The following NFYB variants were observed in gnomAD, a reference collection of about 807,000 sequenced individuals.
The protein encoded by NFYB is CAAT box DNA-binding protein subunit B.
Under a neutral mutation model 28.0 loss-of-function variants are expected in NFYB, and 13 were observed. The observed-to-expected ratio is 0.46, with a 90% CI of 0.30 to 0.74. The LOEUF (loss-of-function observed/expected upper bound fraction) is 0.74. NFYB is among the 30% of genes least tolerant of loss of function. The pLI is 0.07. For synonymous variants in NFYB, 74 were observed against 75.0 expected (o/e 0.99, Z 0.07); for missense variants, 142 against 247.6 (o/e 0.57, Z 2.86).
At chr12:104,124,141 A>G (rs1354979410) in intron 4 of NFYB, among the ~76,000 whole-genome samples, 1 of 152,226 alleles carries the variant, frequency 6.6e-6, no homozygotes, top group Non-Finnish European at 1.5e-5. Context: ...CCATGAATAA[A>G]GACACCAGAA....
At position 104,123,213 on chromosome 12, in the gene NFYB, A is replaced by G. The variant is rs913178824; in HGVS notation, c.429+13T>C. Reference sequence around the variant, plus strand: ...AAGAAAAAAAAAAGCACAATGGGAGATATTTTATTTACCTCTCTGAATTTC... The same window carrying G: ...AAGAAAAAAAAAAGCACAATGGGAGGTATTTTATTTACCTCTCTGAATTTC... On this transcript the variant is annotated intron_variant, in intron 5 of 7. Transcript: ENST00000240055. 19 of 1,581,842 alleles carry G rather than the reference A, an allele frequency of 1.2e-5. No individual in the cohort carries two copies. The highest frequency in any genetic ancestry group is 8.9e-5 in the Admixed American group (5 of 56,182).
At position 104,126,221 on chromosome 12, in the gene NFYB, G is replaced by T; in HGVS notation, c.124C>A (p.His42Asn). 1 of 1,601,056 alleles carries T rather than the reference G, an allele frequency of 6.2e-7. No individual in the cohort carries two copies. The highest frequency in any genetic ancestry group is 2.3e-5 in the East Asian group (1 of 44,162). The change falls in exon 4 of 8, where the codon CAT becomes AAT. Residue 42 changes from histidine to asparagine, a missense_variant. His to Asn is a moderately conservative substitution (Grantham distance 68, BLOSUM62 1). Transcript: ENST00000240055. The stretch of plus-strand genomic sequence containing the variant: ...TCTTTTGAACCATTTGTGTCTTCAT[G>T]ATCATTCATGCTGTCCTCAGTATCT... ...HDDTEDSMND[H>N]EDTNGSKESF... is the part of the protein sequence containing the mutation.
chr12:104,126,301 G>GA, intron 3 of NFYB, 57 bp from the exon 4 acceptor site: 1 of 1,312,930 alleles, frequency 7.6e-7, no homozygotes, highest in East Asian at 2.7e-5. Flanking sequence ...TTTCAAGATA[G>GA]AAAAAACTAC....
At chr12:104,137,102 TAA>T (rs149505229) in intron 1 of NFYB, among the ~76,000 whole-genome samples, 1,599 of 152,284 alleles carry the variant, frequency 0.011, 29 homozygotes, top group African/African-American at 0.037. Context: ...GTTTCCATAC[TAA>T]GAGAGATGAA....
intron 3 of NFYB, among the ~76,000 whole-genome samples, chr12:104,126,925 G>C (rs957193024): frequency 4.0e-5 from 6 of 151,168 alleles, no homozygotes; most frequent in African/African-American, 1.2e-4. Flanking sequence ...AACTGGACTT[G>C]ATTATTACTG....
At chr12:104,123,040 G>A (rs551926475) in intron 5 of NFYB, among the ~76,000 whole-genome samples, 186 bp downstream of exon 5, 28 of 152,000 alleles carry the variant, frequency 1.8e-4, no homozygotes, top group African/African-American at 5.5e-4. Context: ...GCCAGGCATG[G>A]TGGTGCACGC....
At position 104,117,305 on chromosome 12, in the gene NFYB, A is replaced by T. The variant is rs1251846176; in HGVS notation, c.*2432T>A. ...AAGTCCAACAATGAAGTCAATACAT[A>T]AAAAAGGTGACCTGATTTTACCTGG... is the stretch of plus-strand genomic sequence containing the variant. On this transcript the variant is annotated 3_prime_UTR_variant, in exon 8 of 8. Transcript: ENST00000240055. 2 of 152,174 alleles carry T rather than the reference A, an allele frequency of 1.3e-5. No homozygotes were observed. The highest frequency in any genetic ancestry group is 2.9e-5 in the Non-Finnish European group (2 of 68,030). 9.4% of individuals were successfully genotyped at this position (152,174 alleles called of 1,614,324 possible). A position where few individuals can be genotyped will look rare whatever the true frequency, so the allele number is the denominator to read the frequency against.
At position 104,118,212 on chromosome 12, in the gene NFYB, T is replaced by C. The variant is rs1417049969; in HGVS notation, c.*1525A>G. ...TTTAGCAAAGTAAAAGGACAAATGA[T>C]ATTTATCAAAATATTAACATTGGTT... is the stretch of plus-strand genomic sequence containing the variant. On this transcript the variant is annotated 3_prime_UTR_variant, in exon 8 of 8. Transcript: ENST00000240055. The C allele has an allele frequency of 6.6e-6, 1 of 152,238 alleles. No individual in the cohort carries two copies. Among genetic ancestry groups the C allele is most frequent in the Non-Finnish European group, 1.5e-5 (1 of 68,038 alleles). The allele number at this position is 152,238 out of a possible 1,614,324, so 9.4% of individuals were successfully genotyped here. A position where few individuals can be genotyped will look rare whatever the true frequency, so the allele number is the denominator to read the frequency against.
At chr12:104,123,962 C>CA (rs896602263) in intron 4 of NFYB, among the ~76,000 whole-genome samples, 44 of 148,518 alleles carry the variant, frequency 3.0e-4, no homozygotes, top group African/African-American at 3.0e-4. Context: ...GACTCCGTCT[C>CA]AAAAAAAAAA....
Position 104,135,454 on chromosome 12 carries a change from G to A in NFYB, c.-1C>T. 6 of 1,590,664 alleles carry A rather than the reference G, an allele frequency of 3.8e-6. No homozygotes were observed. Among genetic ancestry groups the A allele is most frequent in the Non-Finnish European group, 5.1e-6 (6 of 1,171,088 alleles). On this transcript the variant is annotated 5_prime_UTR_variant, in exon 2 of 8. Transcript: ENST00000240055. ...AATGGTAAAATATACTTACTGTCAT[G>A]AAATACTGTCAGAACCGTGTTGTCA...
chr12:104,127,773 T>G lies in NFYB; in HGVS notation c.100+651A>C, dbSNP rs991090028. Among the ~76,000 whole-genome samples the G allele has an allele frequency of 4.8e-4, 71 of 146,910 alleles. 1 individual carries two copies. Among genetic ancestry groups the G allele is most frequent in the African/African-American group, 1.8e-3 (71 of 39,594 alleles). On this transcript the variant is annotated intron_variant, in intron 3 of 7. Transcript: ENST00000240055. Reference sequence around the variant, plus strand: ...CTCACTGAAGCCTCTACCTCCCAGATTCAAGCAATCCTCCCACCTCAGCCC... The same window carrying G: ...CTCACTGAAGCCTCTACCTCCCAGAGTCAAGCAATCCTCCCACCTCAGCCC...
intron 2 of NFYB, among the ~76,000 whole-genome samples, chr12:104,132,248 G>A (rs1162791206): frequency 1.3e-5 from 2 of 152,068 alleles, no homozygotes; most frequent in East Asian, 3.8e-4. Context: ...AAATCAGTCA[G>A]GCAAAAAGAA....
At chr12:104,134,036 C>G (rs2031017975) in intron 2 of NFYB, among the ~76,000 whole-genome samples, 1 of 152,162 alleles carries the variant, frequency 6.6e-6, no homozygotes, top group African/African-American at 2.4e-5. Flanking sequence ...TGTCCTCATC[C>G]TACTTGACTG....
At chr12:104,125,849 C>CAAAAAAAAAAAAAAAAAAAAAAAAAAAAA (rs374433754) in intron 4 of NFYB, among the ~76,000 whole-genome samples, 1 of 72,204 alleles carries the variant, frequency 1.4e-5, no homozygotes, top group Non-Finnish European at 2.5e-5. Context: ...ACTCTGTCCC[C>CAAAAAAAAAAAAAAAAAAAAAAAAAAAAA]AAAAAAAAAA....
chr12:104,137,462 C>T (rs1415907841), intron 1 of NFYB: 1 of 152,216 alleles, frequency 6.6e-6, no homozygotes, highest in Non-Finnish European at 1.5e-5. Context: ...AAAGCCATGC[C>T]TTCCTCCCCA....
At chr12:104,132,051 G>C (rs1472306178) in intron 2 of NFYB, among the ~76,000 whole-genome samples, 1 of 152,224 alleles carries the variant, frequency 6.6e-6, no homozygotes, top group Non-Finnish European at 1.5e-5. Flanking sequence ...TACTCAGTAA[G>C]TGGTATATAT....
rs1481862531 is a variant in NFYB at position 104,117,283 on chromosome 12, T to G, written c.*2454A>C. ...TTTTCTTTCCCATCAGAGTATGAAGTCCAACAATGAAGTCAATACATAAAA... is the reference window on the plus strand; with the variant it reads ...TTTTCTTTCCCATCAGAGTATGAAGGCCAACAATGAAGTCAATACATAAAA... On this transcript the variant is annotated 3_prime_UTR_variant, in exon 8 of 8. Coordinates refer to ENST00000240055, the MANE Select transcript of NFYB (RefSeq NM_006166.4). The G allele has an allele frequency of 2.0e-5, 3 of 152,106 alleles. No individual in the cohort carries two copies. The highest frequency in any genetic ancestry group is 4.4e-5 in the Non-Finnish European group (3 of 68,020). The allele number at this position is 152,106 out of a possible 1,614,324, so 9.4% of individuals were successfully genotyped here. A position where few individuals can be genotyped will look rare whatever the true frequency, so the allele number is the denominator to read the frequency against.
chr12:104,130,126 A>AT (rs1427548187), intron 2 of NFYB, among the ~76,000 whole-genome samples: 1 of 152,178 alleles, frequency 6.6e-6, no homozygotes, highest in Admixed American at 6.5e-5. Context: ...TCAAAATAAG[A>AT]TATCTGTGAG....
At chr12:104,128,913 C>A (rs545079120) in intron 2 of NFYB, among the ~76,000 whole-genome samples, 101 of 152,244 alleles carry the variant, frequency 6.6e-4, no homozygotes, top group Non-Finnish European at 1.0e-3. Context: ...AACAAACCAC[C>A]TACCTCAGCC....
Sources: allele counts gnomAD v4.1 joint callset (sites outside exome capture counted in the v4.1 genomes callset), GRCh38; gene constraint gnomAD v4.1.1; transcripts MANE v1.5; gene names NCBI Gene and HGNC (gene_info 2026-07-23, HGNC 2026-07-21).